Variants in TBC1D30 observed in about 807,000 individuals in gnomAD.
TBC1D30 encodes the protein TBC1 domain family, member 30.
TBC1D30 carries 31 observed loss-of-function variants against 63.2 expected under a neutral mutation model. The ratio of observed to expected loss-of-function variants is 0.49; its 90% CI spans 0.37 to 0.66. The LOEUF is 0.66. TBC1D30 is among the 30% of genes least tolerant of loss of function. The pLI, the probability that TBC1D30 is intolerant of heterozygous loss-of-function variation, is 0.00. For synonymous variants in TBC1D30, 307 were observed against 361.5 expected (o/e 0.85, Z 1.71); for missense variants, 810 against 953.6 (o/e 0.85, Z 1.98).
intron 2 of TBC1D30, among the ~76,000 whole-genome samples, chr12:64,791,721 T>TA (rs1871935762): frequency 6.7e-6 from 1 of 149,770 alleles, no homozygotes; most frequent in African/African-American, 2.5e-5. Flanking sequence ...TATATATATA[T>TA]GTTTTTTTTA....
intron 2 of TBC1D30, among the ~76,000 whole-genome samples, chr12:64,828,187 T>C (rs1874530219): frequency 6.6e-6 from 1 of 152,220 alleles, no homozygotes. Flanking sequence ...ATATTTTGGC[T>C]TATTAACCAG....
intron 2 of TBC1D30, among the ~76,000 whole-genome samples, chr12:64,817,190 C>T (rs145020616): frequency 1.3e-5 from 2 of 152,296 alleles, no homozygotes; most frequent in Non-Finnish European, 2.9e-5. Flanking sequence ...GAGTCTGGGT[C>T]CTGTGCTGGA....
chr12:64,813,985 C>T (rs1212820736), intron 2 of TBC1D30, among the ~76,000 whole-genome samples: 2 of 152,124 alleles, frequency 1.3e-5, no homozygotes, highest in African/African-American at 4.8e-5. Flanking sequence ...ATGAATAATA[C>T]AAGGGCGTGG....
chr12:64,831,634 A>AT lies in TBC1D30; in HGVS notation c.409-480dup, dbSNP rs1252623327. ...TTCATAAAATAATTTGAATAGAATG[A>AT]TTTTTCTCTCTATAATCACATTTTT... On this transcript the variant is annotated intron_variant, in intron 4 of 11. Coordinates refer to ENST00000539867, the MANE Select transcript of TBC1D30 (RefSeq NM_015279.2). Among the ~76,000 whole-genome samples, 8 of 152,200 alleles carry AT rather than the reference A, an allele frequency of 5.3e-5. No individual in the cohort carries two copies. The East Asian group carries it at 1.5e-3, about 29-fold the overall frequency.
chr12:64,780,959 C>T (rs1378365731), exon 1 of TBC1D30: 2 of 1,055,140 alleles, frequency 1.9e-6, no homozygotes, highest in South Asian at 2.4e-5. Context: ...AGCGGCGGAG[C>T]GGCCGCGGCG....
chr12:64,854,640 G>A (rs1475788578), intron 8 of TBC1D30, among the ~76,000 whole-genome samples: 1 of 151,802 alleles, frequency 6.6e-6, no homozygotes, highest in Non-Finnish European at 1.5e-5. Flanking sequence ...GACTATAGGC[G>A]CCTGCCACCA....
intron 8 of TBC1D30, among the ~76,000 whole-genome samples, chr12:64,863,051 A>G (rs887900205): frequency 3.3e-5 from 5 of 152,222 alleles, no homozygotes; most frequent in Non-Finnish European, 7.3e-5. Flanking sequence ...GCAGCGAGGT[A>G]GCTGTTGCAT....
intron 1 of TBC1D30, among the ~76,000 whole-genome samples, chr12:64,763,534 C>G (rs1162068712): frequency 6.6e-6 from 1 of 151,292 alleles, no homozygotes; most frequent in Non-Finnish European, 1.5e-5. Flanking sequence ...TTTGGTTACT[C>G]TTTACTTCTT....
chr12:64,866,683 T>C lies in TBC1D30; in HGVS notation c.1152-81T>C. 3.8e-6 allele frequency: 5 copies of C among 1,327,742 alleles called. No individual in the cohort carries two copies. In the South Asian group the frequency reaches 7.2e-5, roughly 19 times the overall value. The allele number at this position is 1,327,742 out of a possible 1,614,324, so 82.2% of individuals were successfully genotyped here. A position where few individuals can be genotyped will look rare whatever the true frequency, so the allele number is the denominator to read the frequency against. Reference sequence around the variant, plus strand: ...TCTATGTTAATTATATATATGGCATTTAAACCATGTAACTGTATTATGTTT... The same window carrying C: ...TCTATGTTAATTATATATATGGCATCTAAACCATGTAACTGTATTATGTTT... On this transcript the variant is annotated intron_variant, in intron 9 of 11. Transcript: ENST00000539867.
In TBC1D30 at chr12:64,876,093, C is replaced by G. The variant is rs547038684; in HGVS notation, c.*305C>G. ...AAAAAGACTATATCTAGATTGTTAACTCTCGTCCATCCTTCTGTTCTGGGG... is the reference window on the plus strand; with the variant it reads ...AAAAAGACTATATCTAGATTGTTAAGTCTCGTCCATCCTTCTGTTCTGGGG... On this transcript the variant is annotated 3_prime_UTR_variant, in exon 12 of 12. Transcript: ENST00000539867. 1 of 278,358 alleles carries G rather than the reference C, an allele frequency of 3.6e-6. No homozygotes were observed. Among genetic ancestry groups the G allele is most frequent in the Non-Finnish European group, 6.7e-6 (1 of 149,168 alleles). The allele number at this position is 278,358 out of a possible 1,614,324, so 17.2% of individuals were successfully genotyped here. A position where few individuals can be genotyped will look rare whatever the true frequency, so the allele number is the denominator to read the frequency against.
intron 4 of TBC1D30, 24 bp downstream of exon 4, chr12:64,830,526 T>A (rs1470043424): frequency 2.6e-6 from 4 of 1,514,728 alleles, no homozygotes; most frequent in Admixed American, 4.0e-5. Flanking sequence ...ACTTGGCCTG[T>A]CATCCTAATA....
intron 2 of TBC1D30, among the ~76,000 whole-genome samples, chr12:64,808,342 C>T (rs1173528865): frequency 6.6e-6 from 1 of 152,120 alleles, no homozygotes; most frequent in Non-Finnish European, 1.5e-5. Flanking sequence ...CTTCCAGGGT[C>T]GTCCTGGCCA....
intron 7 of TBC1D30, among the ~76,000 whole-genome samples, chr12:64,840,295 G>A (rs189959685): frequency 2.8e-4 from 42 of 152,290 alleles, no homozygotes; most frequent in East Asian, 1.9e-4. Context: ...TGGTAGTCCA[G>A]TTGCTGCATA....
In TBC1D30 at chr12:64,788,849, C is replaced by A. The variant is rs1159098482; in HGVS notation, c.643+2804C>A. Among the ~76,000 whole-genome samples the A allele has an allele frequency of 2.6e-5, 4 of 152,144 alleles. No homozygotes were observed. The South Asian group carries it at 8.3e-4, about 31-fold the overall frequency. ...ATAACTGCATTAGAATTATTACTTT[C>A]ATCACAGGATACTGTATTTTGATAT... is the stretch of plus-strand genomic sequence containing the variant. On this transcript the variant is annotated intron_variant, in intron 2 of 12. Coordinates refer to the TBC1D30 transcript ENST00000542120.
intron 8 of TBC1D30, among the ~76,000 whole-genome samples, chr12:64,849,849 T>C (rs144737039): frequency 2.6e-5 from 4 of 152,348 alleles, no homozygotes; most frequent in African/African-American, 9.6e-5. Context: ...ATTGAATCTG[T>C]AAATTACTTT....
chr12:64,848,670 A>G (rs1855228486), intron 8 of TBC1D30, among the ~76,000 whole-genome samples: 2 of 152,144 alleles, frequency 1.3e-5, no homozygotes, highest in South Asian at 2.1e-4. Flanking sequence ...TATCCAGTCT[A>G]TCATTGATGG....
chr12:64,837,504 T>G (rs955857847), intron 6 of TBC1D30, among the ~76,000 whole-genome samples: 4 of 151,874 alleles, frequency 2.6e-5, no homozygotes, highest in African/African-American at 9.7e-5. Flanking sequence ...ATCCCTCACG[T>G]GCACCGTTCA....
chr12:64,823,779 C>T (rs188537048), upstream of TBC1D30, among the ~76,000 whole-genome samples: 71 of 152,282 alleles, frequency 4.7e-4, no homozygotes, highest in African/African-American at 1.6e-3. Context: ...CATGCTGTTC[C>T]ATCATCCTGG....
At chr12:64,867,494 C>G (rs1356935817) in intron 10 of TBC1D30, among the ~76,000 whole-genome samples, 1 of 151,738 alleles carries the variant, frequency 6.6e-6, no homozygotes, top group Admixed American at 6.6e-5. Context: ...AAAGTATCTT[C>G]TCTGTTACTT....
Sources: gnomAD v4.1 joint callset for allele counts (sites outside exome capture counted in the v4.1 genomes callset) on GRCh38, gnomAD v4.1.1 for gene constraint, MANE v1.5 for transcripts, NCBI Gene and HGNC (gene_info 2026-07-23, HGNC 2026-07-21) for gene names.